The following STEAP1B variants were observed in gnomAD, a reference collection of about 807,000 sequenced individuals.
STEAP1B encodes STEAP family protein MGC87042.
A neutral mutation model predicts 27.9 loss-of-function variants in STEAP1B; 13 were observed. The observed-to-expected ratio is 0.47, with a 90% CI of 0.30 to 0.74. The LOEUF is 0.74. STEAP1B is among the 30% of genes least tolerant of loss of function. The pLI is 0.06. For missense variants in STEAP1B, 250 were observed against 298.7 expected (o/e 0.84, Z 1.20); for synonymous variants, 86 against 107.1 (o/e 0.80, Z 1.22).
intron 4 of STEAP1B, among the ~76,000 whole-genome samples, chr7:22,468,021 T>C (rs1410251027): frequency 6.6e-6 from 1 of 152,216 alleles, no homozygotes; most frequent in African/African-American, 2.4e-5. Flanking sequence ...TATGAAGATA[T>C]CCCATGTAAT....
intron 4 of STEAP1B, among the ~76,000 whole-genome samples, chr7:22,449,129 G>A (rs1785449308): frequency 2.0e-5 from 3 of 152,088 alleles, no homozygotes; most frequent in Non-Finnish European, 4.4e-5. Flanking sequence ...TTTATCCTTT[G>A]TGTTACAAAC....
intron 4 of STEAP1B, 138 bp from the exon 5 acceptor site, chr7:22,419,974 C>A: frequency 3.0e-6 from 3 of 996,384 alleles, no homozygotes; most frequent in East Asian, 3.1e-5. Flanking sequence ...GGAGTCAGGG[C>A]AAAGCTAGGC....
intron 4 of STEAP1B, among the ~76,000 whole-genome samples, chr7:22,485,226 G>A (rs928722131): frequency 2.0e-5 from 3 of 152,122 alleles, no homozygotes; most frequent in Admixed American, 1.3e-4. Flanking sequence ...TTTCCTGAAA[G>A]GAAGAGCCCA....
At chr7:22,490,460 C>T (rs1185297678) in intron 4 of STEAP1B, among the ~76,000 whole-genome samples, 2 of 152,144 alleles carry the variant, frequency 1.3e-5, no homozygotes, top group African/African-American at 2.4e-5. Flanking sequence ...TGGTTAGATC[C>T]GTTTCCTTTT....
chr7:22,479,007 G>A (rs1726997826), intron 4 of STEAP1B, among the ~76,000 whole-genome samples: 1 of 152,154 alleles, frequency 6.6e-6, no homozygotes, highest in South Asian at 2.1e-4. Context: ...AGGCAGGCCT[G>A]GGAGGAGAAG....
At chr7:22,458,208 G>A (rs575598473) in intron 4 of STEAP1B, among the ~76,000 whole-genome samples, 7 of 152,312 alleles carry the variant, frequency 4.6e-5, no homozygotes, top group African/African-American at 1.4e-4. Flanking sequence ...CAAAATCACA[G>A]AGGAAAAAAT....
At position 22,490,321 on chromosome 7, in the gene STEAP1B, T is replaced by C. The variant is rs375933872; in HGVS notation, c.762+2244A>G. Reference sequence around the variant, plus strand: ...TTCTCTAGTGTATTTCCAAATTGCCTACCTTATTTTACTTATTATGCCTCT... The same window carrying C: ...TTCTCTAGTGTATTTCCAAATTGCCCACCTTATTTTACTTATTATGCCTCT... On this transcript the variant is annotated intron_variant, in intron 4 of 4. Transcript: ENST00000678116. Among the ~76,000 whole-genome samples the C allele has an allele frequency of 3.1e-4, 47 of 152,320 alleles. 1 individual carries two copies. In the South Asian group the frequency reaches 9.7e-3, roughly 32 times the overall value.
intron 4 of STEAP1B, among the ~76,000 whole-genome samples, chr7:22,437,524 T>C (rs941756520): frequency 5.3e-5 from 8 of 152,246 alleles, no homozygotes; most frequent in South Asian, 2.1e-4. Context: ...AGGTTGCTTT[T>C]ATGTCTTGGC....
intron 4 of STEAP1B, among the ~76,000 whole-genome samples, chr7:22,459,391 C>G (rs768177862): frequency 3.3e-5 from 5 of 152,208 alleles, no homozygotes; most frequent in Non-Finnish European, 4.4e-5. Context: ...TGTAGCTTCA[C>G]GTTTTCAGTG....
At chr7:22,435,082 A>T (rs1322288655) in intron 4 of STEAP1B, among the ~76,000 whole-genome samples, 1 of 152,192 alleles carries the variant, frequency 6.6e-6, no homozygotes, top group African/African-American at 2.4e-5. Context: ...CATGTGGTTA[A>T]CATAGTTCCA....
At chr7:22,490,451 G>C (rs921690159) in intron 4 of STEAP1B, among the ~76,000 whole-genome samples, 2 of 152,080 alleles carry the variant, frequency 1.3e-5, no homozygotes, top group Admixed American at 1.3e-4. Context: ...ATGATCCATT[G>C]GTTAGATCCG....
chr7:22,484,054 G>T (rs1371860658), intron 4 of STEAP1B, among the ~76,000 whole-genome samples: 2 of 152,208 alleles, frequency 1.3e-5, no homozygotes, highest in African/African-American at 4.8e-5. Flanking sequence ...GGTTCATGAG[G>T]TTTAACAAAA....
rs1385199120 is a variant in STEAP1B, at chr7:22,493,701, G to C, written c.220C>G (p.Pro74Ala). The C allele has an allele frequency of 1.1e-5, 17 of 1,614,000 alleles. No individual in the cohort carries two copies. Among genetic ancestry groups the C allele is most frequent in the Non-Finnish European group, 1.4e-5 (17 of 1,179,864 alleles). ...GCCATAACAGCAGCTATTTTAATTG[G>C]CAAGTGCCACTGTGGAAAGAGTTCC... is the stretch of plus-strand genomic sequence containing the variant. ...AQELFPQWHL[P>A]IKIAAVMASL... The change falls in exon 3 of 5, where the codon CCA becomes GCA. Residue 74 changes from proline to alanine, a missense_variant. By Grantham distance (27) the Pro-to-Ala change is conservative. Transcript: ENST00000678116.
intron 1 of STEAP1B, among the ~76,000 whole-genome samples, chr7:22,499,121 G>C (rs1486157486): frequency 6.6e-6 from 1 of 152,170 alleles, no homozygotes; most frequent in Non-Finnish European, 1.5e-5. Flanking sequence ...CCCAGAATTC[G>C]ACCCAAAGTT....
intron 4 of STEAP1B, 24 bp from the exon 5 acceptor site, chr7:22,419,860 A>T: frequency 6.5e-7 from 1 of 1,548,512 alleles, no homozygotes; most frequent in Non-Finnish European, 8.7e-7. Context: ...AGCAAGAAAG[A>T]GTTGATGTAT....
At chr7:22,443,591 A>C (rs1785365697) in intron 4 of STEAP1B, among the ~76,000 whole-genome samples, 1 of 152,158 alleles carries the variant, frequency 6.6e-6, no homozygotes, top group African/African-American at 2.4e-5. Context: ...GACCACAAAG[A>C]TCTCCAATTA....
At chr7:22,424,129 C>G (rs984489682) in intron 4 of STEAP1B, among the ~76,000 whole-genome samples, 1 of 152,192 alleles carries the variant, frequency 6.6e-6, no homozygotes, top group Non-Finnish European at 1.5e-5. Context: ...TACCTTCTAT[C>G]GATCTCTGGT....
intron 4 of STEAP1B, among the ~76,000 whole-genome samples, chr7:22,439,654 A>T (rs780688225): frequency 7.2e-5 from 11 of 152,220 alleles, no homozygotes; most frequent in African/African-American, 1.2e-4. Flanking sequence ...TACTAAATTC[A>T]TAAAGTAACA....
rs1249725244 is a variant in STEAP1B at position 22,492,643 on chromosome 7, T to C, written c.684A>G (p.Ala228=). ...ATGTCACAGCCAACAGAGCCAGTAT[T>C]GCCAGTCCCACAATTCCCAGAGACA... The part of the protein sequence containing the change: ...IYVSLGIVGL[A]ILALLAVTSI... Residue 228 remains alanine, a synonymous_variant, in exon 4 of 5, where the codon GCA becomes GCG. Coordinates refer to ENST00000678116, the MANE Select transcript of STEAP1B (RefSeq NM_001382447.1). 1 of 1,613,662 alleles carries C rather than the reference T, an allele frequency of 6.2e-7. No homozygotes were observed. Among genetic ancestry groups the C allele is most frequent in the Non-Finnish European group, 8.5e-7 (1 of 1,179,742 alleles).
Sources: gnomAD v4.1 joint callset for allele counts (sites outside exome capture counted in the v4.1 genomes callset) on GRCh38, gnomAD v4.1.1 for gene constraint, MANE v1.5 for transcripts, NCBI Gene and HGNC (gene_info 2026-07-23, HGNC 2026-07-21) for gene names.